KCTD16: variants seen among roughly 807,000 people sequenced by gnomAD.
The protein encoded by KCTD16 is BTB/POZ domain-containing protein KCTD16.
KCTD16 carries 13 observed loss-of-function variants against 33.2 expected under a neutral mutation model. The ratio of observed to expected loss-of-function variants is 0.39; its 90% CI spans 0.25 to 0.62. KCTD16 has a LOEUF of 0.62. KCTD16 is among the 20% of genes least tolerant of loss of function. KCTD16 has a pLI of 0.50. For synonymous variants in KCTD16, 197 were observed against 195.3 expected (o/e 1.01, Z -0.07); for missense variants, 441 against 525.1 (o/e 0.84, Z 1.57).
At chr5:144,336,106 G>A (rs568141567) in intron 3 of KCTD16, among the ~76,000 whole-genome samples, 22 of 152,276 alleles carry the variant, frequency 1.4e-4, no homozygotes, top group African/African-American at 5.3e-4. Context: ...ACTGACAGAA[G>A]CCAGGCAGAC....
intron 3 of KCTD16, among the ~76,000 whole-genome samples, chr5:144,222,684 A>G (rs1406209770): frequency 1.3e-5 from 2 of 152,190 alleles, no homozygotes; most frequent in African/African-American, 2.4e-5. Flanking sequence ...ACACTTTTAC[A>G]CTGTTGGTGG....
intron 3 of KCTD16, among the ~76,000 whole-genome samples, chr5:144,222,479 T>G (rs1753788917): frequency 6.6e-6 from 1 of 151,642 alleles, no homozygotes; most frequent in Admixed American, 6.6e-5. Flanking sequence ...ATAATATCAC[T>G]TAGAAGTAGA....
At chr5:144,251,451 G>A (rs1199778177) in intron 3 of KCTD16, among the ~76,000 whole-genome samples, 1 of 152,168 alleles carries the variant, frequency 6.6e-6, no homozygotes, top group African/African-American at 2.4e-5. Flanking sequence ...GCTTGGCAAA[G>A]CATTAAATCA....
intron 2 of KCTD16, among the ~76,000 whole-genome samples, chr5:144,183,171 G>T (rs1308175817): frequency 6.6e-6 from 1 of 152,058 alleles, no homozygotes; most frequent in African/African-American, 2.4e-5. Context: ...TCTACTTATT[G>T]GTGTTTTGTG....
In KCTD16 at chr5:144,421,434, C is replaced by T. The variant is rs551372302; in HGVS notation, c.833-52226C>T. ...ATGGGTTGATTTATAAAGGAGACTGCGGCACATTGGATAAAGGAGTAGGAA... is the reference window on the plus strand; with the variant it reads ...ATGGGTTGATTTATAAAGGAGACTGTGGCACATTGGATAAAGGAGTAGGAA... On this transcript the variant is annotated intron_variant, in intron 3 of 3. Coordinates refer to ENST00000512467, the MANE Select transcript of KCTD16 (RefSeq NM_020768.4). Among the ~76,000 whole-genome samples the T allele has an allele frequency of 2.1e-4, 32 of 152,142 alleles. No individual in the cohort carries two copies. The South Asian group carries it at 4.8e-3, about 23-fold the overall frequency.
Position 144,207,037 on chromosome 5 carries a change from G to C in KCTD16, c.323G>C (p.Arg108Thr). The change falls in exon 3 of 4, where the codon AGG becomes ACG. Residue 108 changes from arginine (R) to threonine (T), a missense_variant. Transcript: ENST00000512467. ...TTTCCAGAAAAAGGAAGACTGAAAA[G>C]GGAAGCTGAATACTTCCAGCTCCCA... ...DHFPEKGRLKREAEYFQLPDL... is the reference protein window; with the variant it reads ...DHFPEKGRLKTEAEYFQLPDL... The C allele has an allele frequency of 6.2e-7, 1 of 1,614,170 alleles. No homozygotes were observed. Among genetic ancestry groups the C allele is most frequent in the Non-Finnish European group, 8.5e-7 (1 of 1,180,036 alleles).
At chr5:144,287,428 A>G (rs1755775557) in intron 3 of KCTD16, among the ~76,000 whole-genome samples, 2 of 152,198 alleles carry the variant, frequency 1.3e-5, no homozygotes, top group Non-Finnish European at 2.9e-5. Context: ...GCATTCTTAC[A>G]GCCACCACAC....
At chr5:144,235,110 T>C (rs1754212799) in intron 3 of KCTD16, among the ~76,000 whole-genome samples, 1 of 152,170 alleles carries the variant, frequency 6.6e-6, no homozygotes, top group African/African-American at 2.4e-5. Context: ...ACGCAGTTGA[T>C]GGAATAAAAT....
intron 3 of KCTD16, among the ~76,000 whole-genome samples, chr5:144,395,475 A>C (rs1199579997): frequency 6.6e-6 from 1 of 152,162 alleles, no homozygotes; most frequent in Non-Finnish European, 1.5e-5. Flanking sequence ...TCTTATGGAT[A>C]TATTAAGGGC....
At chr5:144,260,791 A>G (rs1270812935) in intron 3 of KCTD16, among the ~76,000 whole-genome samples, 2 of 152,020 alleles carry the variant, frequency 1.3e-5, no homozygotes, top group African/African-American at 4.8e-5. Flanking sequence ...TTGCCTTGAC[A>G]GTTTTAGCAA....
intron 2 of KCTD16, among the ~76,000 whole-genome samples, chr5:144,187,781 C>T (rs1368692605): frequency 1.3e-5 from 2 of 152,054 alleles, no homozygotes; most frequent in African/African-American, 4.8e-5. Flanking sequence ...CTACAAGTTC[C>T]AGATGTCTTA....
At chr5:144,307,897 C>T (rs750061813) in intron 3 of KCTD16, among the ~76,000 whole-genome samples, 16 of 152,156 alleles carry the variant, frequency 1.1e-4, no homozygotes, top group Non-Finnish European at 2.2e-4. Context: ...CAAGGTACAT[C>T]GCTGATCTTG....
At chr5:144,221,489 C>T (rs1210366494) in intron 3 of KCTD16, among the ~76,000 whole-genome samples, 5 of 152,116 alleles carry the variant, frequency 3.3e-5, no homozygotes, top group African/African-American at 4.8e-5. Context: ...CATTGTTCAA[C>T]TCTCACTTAT....
In KCTD16 at chr5:144,178,267, A is replaced by G. The variant is rs555881371; in HGVS notation, c.-327+3795A>G. 1.2e-4 allele frequency among the ~76,000 whole-genome samples: 18 copies of G among 152,308 alleles called. No individual in the cohort carries two copies. The East Asian group carries it at 3.5e-3, about 29-fold the overall frequency. ...ATTTTTTTCACTCGTGATGATTTTTAAAAATATGAAGTAGAACTATAAAAG... is the reference window on the plus strand; with the variant it reads ...ATTTTTTTCACTCGTGATGATTTTTGAAAATATGAAGTAGAACTATAAAAG... On this transcript the variant is annotated intron_variant, in intron 2 of 3. Coordinates refer to ENST00000512467, the MANE Select transcript of KCTD16 (RefSeq NM_020768.4).
chr5:144,311,265 G>A (rs185033699), intron 3 of KCTD16, among the ~76,000 whole-genome samples: 100 of 152,262 alleles, frequency 6.6e-4, no homozygotes, highest in Non-Finnish European at 7.9e-4. Context: ...CACAAGTACT[G>A]TAGAAATTAA....
intron 3 of KCTD16, among the ~76,000 whole-genome samples, chr5:144,461,346 T>C (rs1754189729): frequency 6.6e-6 from 1 of 152,088 alleles, no homozygotes. Context: ...CTTCCCAGCC[T>C]CTTTCCCTTC....
intron 3 of KCTD16, among the ~76,000 whole-genome samples, chr5:144,299,072 A>ATATATATATATTTT (rs1491103244): frequency 1.7e-5 from 1 of 57,432 alleles, no homozygotes; most frequent in Non-Finnish European, 3.4e-5. Context: ...ATATATATAT[A>ATATATATATATTTT]TTTTTGTATA....
At chr5:144,378,548 T>C (rs1275710071) in intron 3 of KCTD16, among the ~76,000 whole-genome samples, 1 of 152,202 alleles carries the variant, frequency 6.6e-6, no homozygotes, top group Non-Finnish European at 1.5e-5. Flanking sequence ...GTGTGCAATA[T>C]GTTAAGGCCA....
chr5:144,337,838 G>A (rs941789841), intron 3 of KCTD16, among the ~76,000 whole-genome samples: 1 of 152,126 alleles, frequency 6.6e-6, no homozygotes, highest in Non-Finnish European at 1.5e-5. Context: ...GACCTTTAGA[G>A]CCAGAGTGTC....
Sources: gnomAD v4.1 joint callset for allele counts (sites outside exome capture counted in the v4.1 genomes callset) on GRCh38, gnomAD v4.1.1 for gene constraint, MANE v1.5 for transcripts, NCBI Gene and HGNC (gene_info 2026-07-23, HGNC 2026-07-21) for gene names.